The following GLMN variants were observed in gnomAD, a reference collection of about 807,000 sequenced individuals.
GLMN encodes the protein glomulin.
In GLMN, 75 loss-of-function variants were observed where a neutral mutation model predicts 87.8. That is an observed-to-expected ratio of 0.85 (90% confidence interval 0.71 to 1.04). The LOEUF is 1.04. Among genes scored for constraint, GLMN ranks in the 50% least tolerant of loss-of-function variants. The pLI, the probability that GLMN is intolerant of heterozygous loss-of-function variation, is 0.00. For missense variants in GLMN, 588 were observed against 658.8 expected, an observed-to-expected ratio of 0.89 and a Z score of 1.18; for synonymous variants, 206 against 221.6, an observed-to-expected ratio of 0.93 and a Z score of 0.63.
chr1:92,352,731 T>C, the GLMN span, among the ~76,000 whole-genome samples: 1 of 152,222 alleles, frequency 6.6e-6, no homozygotes, highest in Non-Finnish European at 1.5e-5. Flanking sequence ...TTTTAAAATA[T>C]ACAAAATATA....
intron 3 of GLMN, among the ~76,000 whole-genome samples, chr1:92,295,973 A>G (rs778435666): frequency 3.3e-5 from 5 of 152,348 alleles, no homozygotes; most frequent in Admixed American, 2.0e-4. Context: ...TTTAAAAAAC[A>G]TAAGATTTAT....
At chr1:92,360,372 T>C in the GLMN span, among the ~76,000 whole-genome samples, 1 of 152,324 alleles carries the variant, frequency 6.6e-6, no homozygotes, top group East Asian at 1.9e-4. Flanking sequence ...TGCTATAGTA[T>C]TACATATGGT....
chr1:92,297,333 G>A, intron 3 of GLMN, 71 bp downstream of exon 3: 2 of 1,576,710 alleles, frequency 1.3e-6, no homozygotes, highest in Admixed American at 1.7e-5. Flanking sequence ...ATGGATAAAT[G>A]ACTGGATGAA....
chr1:92,247,765 G>A (rs1652884499), intron 17 of GLMN, 113 bp downstream of exon 17: 2 of 665,782 alleles, frequency 3.0e-6, no homozygotes, highest in Admixed American at 2.3e-5. Context: ...TGGCTTAGCT[G>A]TTATGGTCTC....
chr1:92,322,802 AG>A, the GLMN span, among the ~76,000 whole-genome samples: 4 of 151,080 alleles, frequency 2.6e-5, no homozygotes, highest in Admixed American at 6.6e-5. Context: ...GCTTGAACCT[AG>A]GGGGCAGAGG....
At chr1:92,305,023 T>G in the GLMN span, among the ~76,000 whole-genome samples, 1 of 151,966 alleles carries the variant, frequency 6.6e-6, no homozygotes, top group Non-Finnish European at 1.5e-5. Context: ...TAGTCCCAGC[T>G]ACTCAGAAAG....
chr1:92,364,676 C>T, the GLMN span, among the ~76,000 whole-genome samples: 1 of 152,066 alleles, frequency 6.6e-6, no homozygotes, highest in African/African-American at 2.4e-5. Context: ...ATTGCTAAGT[C>T]CTTTTAGTTC....
chr1:92,353,280 A>T, the GLMN span, among the ~76,000 whole-genome samples: 2 of 152,192 alleles, frequency 1.3e-5, no homozygotes, highest in Non-Finnish European at 2.9e-5. Context: ...TGTTTTCCAC[A>T]GTGGTTGTAT....
chr1:92,360,402 C>T, the GLMN span, among the ~76,000 whole-genome samples: 1 of 152,064 alleles, frequency 6.6e-6, no homozygotes, highest in Middle Eastern at 3.2e-3. Context: ...CTAGACGGAG[C>T]AAATGCCGAC....
At position 92,287,813 on chromosome 1, in the gene GLMN, A is replaced by G. The variant is rs576817238; in HGVS notation, c.632+1101T>C. Among the ~76,000 whole-genome samples the G allele has an allele frequency of 7.2e-5, 11 of 152,216 alleles. No homozygotes were observed. The East Asian group carries it at 2.1e-3, about 29-fold the overall frequency. ...GTGATCCTCCTGCCTCAGCCTCCCA[A>G]GTAGCCAAAATTTAAAAATTACTGG... On this transcript the variant is annotated intron_variant, in intron 6 of 18. Coordinates refer to ENST00000370360, the MANE Select transcript of GLMN (RefSeq NM_053274.3).
At chr1:92,249,941 G>C (rs1215752669) in intron 16 of GLMN, among the ~76,000 whole-genome samples, 1 of 152,010 alleles carries the variant, frequency 6.6e-6, no homozygotes, top group Non-Finnish European at 1.5e-5. Flanking sequence ...GCAAATAACA[G>C]GCTTTTATTC....
At chr1:92,307,201 A>T in the GLMN span, 1 of 1,610,836 alleles carries the variant, frequency 6.2e-7, no homozygotes, top group Admixed American at 1.7e-5. Context: ...TTTTGCAGCA[A>T]TTTTTGTTAT....
chr1:92,359,396 C>T, the GLMN span, among the ~76,000 whole-genome samples: 2 of 152,142 alleles, frequency 1.3e-5, no homozygotes, highest in Admixed American at 1.3e-4. Flanking sequence ...CTCGGCTCAC[C>T]GCAACCCCCG....
chr1:92,293,642 G>A (rs1212067541), intron 3 of GLMN, among the ~76,000 whole-genome samples: 2 of 152,126 alleles, frequency 1.3e-5, no homozygotes, highest in African/African-American at 2.4e-5. Flanking sequence ...CTATATTGAA[G>A]AGATATTTGC....
At chr1:92,351,906 A>G in the GLMN span, among the ~76,000 whole-genome samples, 7 of 152,166 alleles carry the variant, frequency 4.6e-5, no homozygotes, top group Non-Finnish European at 7.3e-5. Context: ...TCTGTGGTCA[A>G]TTGTATCATA....
chr1:92,263,838 A>G (rs959213658), intron 14 of GLMN, 106 bp from the exon 15 acceptor site: 4 of 751,804 alleles, frequency 5.3e-6, no homozygotes, highest in Non-Finnish European at 9.8e-6. Context: ...TTTAAAATAC[A>G]GTTTTTAACT....
At chr1:92,344,745 C>T in the GLMN span, among the ~76,000 whole-genome samples, 6 of 152,094 alleles carry the variant, frequency 3.9e-5, no homozygotes, top group African/African-American at 1.4e-4. Flanking sequence ...CCTCACCAAC[C>T]CTTGGTATTG....
chr1:92,252,806 T>A (rs897483682), intron 16 of GLMN, among the ~76,000 whole-genome samples: 1 of 152,218 alleles, frequency 6.6e-6, no homozygotes, highest in African/African-American at 2.4e-5. Flanking sequence ...ATAGTTATAA[T>A]TAAAAATTTG....
At chr1:92,287,491 C>T (rs1648911879) in intron 6 of GLMN, among the ~76,000 whole-genome samples, 1 of 151,380 alleles carries the variant, frequency 6.6e-6, no homozygotes, top group African/African-American at 2.4e-5. Context: ...CAGGCACACA[C>T]CACTGTGCCC....
Sources: gnomAD v4.1 joint callset for allele counts (sites outside exome capture counted in the v4.1 genomes callset) on GRCh38, gnomAD v4.1.1 for gene constraint, MANE v1.5 for transcripts, NCBI Gene and HGNC (gene_info 2026-07-23, HGNC 2026-07-21) for gene names.